Variants in MYO18B observed in about 807,000 individuals in gnomAD.
MYO18B encodes the protein myosin XVIIIB, also known as unconventional myosin-XVIIIb.
A neutral mutation model predicts 273.0 loss-of-function variants in MYO18B; 204 were observed. The ratio of observed to expected loss-of-function variants is 0.75; its 90% CI spans 0.67 to 0.84. MYO18B has a LOEUF of 0.84. MYO18B is among the 40% of genes least tolerant of loss of function. MYO18B has a pLI of 0.00. For synonymous variants in MYO18B, 1,330 were observed against 1,305.7 expected (o/e 1.02, Z -0.40); for missense variants, 3,212 against 3,287.6 (o/e 0.98, Z 0.56).
intron 25 of MYO18B, among the ~76,000 whole-genome samples, chr22:25,878,577 G>A (rs1329154745): frequency 6.6e-6 from 1 of 152,134 alleles, no homozygotes. Context: ...AGGAAGGGAC[G>A]CTTGTTTCAA....
At chr22:25,928,787 G>A (rs1156986208) in intron 34 of MYO18B, among the ~76,000 whole-genome samples, 3 of 152,102 alleles carry the variant, frequency 2.0e-5, no homozygotes, top group East Asian at 1.9e-4. Context: ...AAGGGGGTAC[G>A]ATAATCTCAG....
intron 12 of MYO18B, among the ~76,000 whole-genome samples, chr22:25,802,290 C>T (rs949825446): frequency 6.6e-6 from 1 of 152,150 alleles, no homozygotes; most frequent in Non-Finnish European, 1.5e-5. Flanking sequence ...GACTCCTGTC[C>T]TCTCTAGGCA....
At chr22:25,901,690 C>T (rs529098696) in intron 29 of MYO18B, among the ~76,000 whole-genome samples, 1 of 151,912 alleles carries the variant, frequency 6.6e-6, no homozygotes, top group Non-Finnish European at 1.5e-5. Context: ...CCTCATTCTA[C>T]TTACATCCAT....
chr22:25,917,177 A>T (rs757966417), intron 33 of MYO18B, among the ~76,000 whole-genome samples: 1 of 152,242 alleles, frequency 6.6e-6, no homozygotes, highest in African/African-American at 2.4e-5. Flanking sequence ...ACGAATATAA[A>T]AGCATAAACC....
chr22:25,977,344 TC>T (rs2093101820), intron 39 of MYO18B, among the ~76,000 whole-genome samples: 1 of 152,024 alleles, frequency 6.6e-6, no homozygotes, highest in African/African-American at 2.4e-5. Flanking sequence ...TGTATTTGTA[TC>T]TGGGTTGCTG....
intron 12 of MYO18B, among the ~76,000 whole-genome samples, chr22:25,821,804 C>A (rs572262122): frequency 7.5e-4 from 114 of 151,350 alleles, no homozygotes; most frequent in African/African-American, 2.5e-3. Context: ...ACAAAACAAA[C>A]AAAAAAAAGA....
chr22:25,876,343 G>A lies in MYO18B; in HGVS notation c.4224+11G>A, dbSNP rs776834472. ...CTCCGAGCCAAGGAGGTCAGTCTAT[G>A]TGGCAGGCAGGGTGCTGGGTGGCTA... On this transcript the variant is annotated intron_variant, in intron 24 of 43. Coordinates refer to ENST00000335473, the MANE Select transcript of MYO18B (RefSeq NM_032608.7). 1.2e-6 allele frequency: 2 copies of A among 1,601,606 alleles called. No individual in the cohort carries two copies. The highest frequency in any genetic ancestry group is 2.7e-5 in the African/African-American group (2 of 74,620).
chr22:25,989,205 G>C (rs894798023), intron 39 of MYO18B, among the ~76,000 whole-genome samples: 2 of 152,090 alleles, frequency 1.3e-5, no homozygotes, highest in African/African-American at 4.8e-5. Flanking sequence ...TGACTTAAAG[G>C]GTTCCCACTT....
chr22:25,907,695 C>T lies in MYO18B; in HGVS notation c.5149-627C>T, dbSNP rs188969874. ...CCTATCCACTCACCCAGAAAACCAT[C>T]GCTGTTGCCTGCTCCAGGAATGAGA... is the stretch of plus-strand genomic sequence containing the variant. On this transcript the variant is annotated intron_variant, in intron 31 of 43. Transcript: ENST00000335473. 2.1e-3 allele frequency among the ~76,000 whole-genome samples: 317 copies of T among 152,246 alleles called. 1 individual carries two copies. The highest frequency in any genetic ancestry group is 6.9e-3 in the African/African-American group (285 of 41,534).
At chr22:25,829,866 A>G (rs899606732) in intron 15 of MYO18B, among the ~76,000 whole-genome samples, 10 of 151,640 alleles carry the variant, frequency 6.6e-5, no homozygotes, top group Non-Finnish European at 1.2e-4. Flanking sequence ...TATAAAATAA[A>G]ATAAAATAAA....
intron 28 of MYO18B, among the ~76,000 whole-genome samples, chr22:25,895,893 C>A (rs2091787340): frequency 6.6e-6 from 1 of 151,116 alleles, no homozygotes; most frequent in South Asian, 2.1e-4. Flanking sequence ...GCTCCTCCCC[C>A]AGTAGTCACA....
chr22:25,886,427 A>G (rs2091502331), intron 25 of MYO18B, among the ~76,000 whole-genome samples: 1 of 152,142 alleles, frequency 6.6e-6, no homozygotes, highest in African/African-American at 2.4e-5. Context: ...CTTGACGAAC[A>G]TCCCACAAGC....
chr22:26,014,994 A>T (rs1460816099), intron 42 of MYO18B, among the ~76,000 whole-genome samples: 2 of 151,152 alleles, frequency 1.3e-5, no homozygotes, highest in Non-Finnish European at 3.0e-5. Flanking sequence ...ATTTTCTCCC[A>T]TTCTGTAGGT....
In MYO18B at chr22:25,786,492, C is replaced by CAAA. The variant is rs35847281; in HGVS notation, c.2376+1013_2376+1015dup. Among the ~76,000 whole-genome samples the CAAA allele has an allele frequency of 5.7e-3, 812 of 142,280 alleles. 12 individuals are homozygous for CAAA. The highest frequency in any genetic ancestry group is 0.02 in the African/African-American group (761 of 37,916). The allele number at this position is 142,280 out of a possible 152,430, so 93.3% of individuals were successfully genotyped here. A position where few individuals can be genotyped will look rare whatever the true frequency, so the allele number is the denominator to read the frequency against. On this transcript the variant is annotated intron_variant, in intron 11 of 43. Coordinates refer to ENST00000335473, the MANE Select transcript of MYO18B (RefSeq NM_032608.7). Reference sequence around the variant, plus strand: ...GCTGGAATAATTGGATATCCTGGTGCAAAAAAAAAAAAAATCCATATTTCA... The same window carrying CAAA: ...GCTGGAATAATTGGATATCCTGGTGCAAAAAAAAAAAAAAAAATCCATATTTCA...
intron 15 of MYO18B, among the ~76,000 whole-genome samples, chr22:25,831,080 A>G (rs1242886071): frequency 6.6e-6 from 1 of 152,154 alleles, no homozygotes; most frequent in African/African-American, 2.4e-5. Flanking sequence ...CATTGTTACT[A>G]TTCTGTTTCT....
the MYO18B span, among the ~76,000 whole-genome samples, chr22:26,059,929 G>A: frequency 4.6e-3 from 705 of 152,358 alleles, 8 homozygotes; most frequent in African/African-American, 0.016. Context: ...ACACATGTGA[G>A]AATAATGTGG....
chr22:25,902,936 T>C, intron 30 of MYO18B, 200 bp downstream of exon 30: 1 of 572,006 alleles, frequency 1.7e-6, no homozygotes, highest in South Asian at 2.0e-5. Flanking sequence ...TGAGCAAGAT[T>C]GATGTCTTGA....
In MYO18B at chr22:26,026,814, T is replaced by C. The variant is rs1936278637; in HGVS notation, c.6840T>C (p.Ile2280=). ...TAGAGGACTGGCCCACTCTCCCCAT[T>C]TACCAGACGACTGGGGCCTCCACAC... ...LGLEDWPTLP[I]YQTTGASTLR... is the part of the protein sequence containing the mutation. The change falls in exon 43 of 44, where the codon ATT becomes ATC. Residue 2280 remains isoleucine (I), a synonymous_variant. Transcript: ENST00000335473. The C allele has an allele frequency of 6.3e-7, 1 of 1,594,654 alleles. No individual in the cohort carries two copies. Among genetic ancestry groups the C allele is most frequent in the African/African-American group, 1.4e-5 (1 of 73,932 alleles).
chr22:25,796,434 TAATAA>T (rs1025408753), intron 11 of MYO18B, among the ~76,000 whole-genome samples: 4 of 151,554 alleles, frequency 2.6e-5, no homozygotes, highest in Non-Finnish European at 5.9e-5. Flanking sequence ...AAAATGATAA[TAATAA>T]AATAAAATCA....
Sources: allele counts gnomAD v4.1 joint callset (sites outside exome capture counted in the v4.1 genomes callset), GRCh38; gene constraint gnomAD v4.1.1; transcripts MANE v1.5; gene names NCBI Gene and HGNC (gene_info 2026-07-23, HGNC 2026-07-21).